Variants in TENM3 observed in about 807,000 individuals in gnomAD.
The protein encoded by TENM3 is teneurin transmembrane protein 3.
TENM3 carries 63 observed loss-of-function variants against 255.1 expected under a neutral mutation model. The observed-to-expected ratio is 0.25, with a 90% confidence interval of 0.20 to 0.30. The LOEUF is 0.30. TENM3 is among the 10% of genes least tolerant of loss of function. The probability of loss-of-function intolerance (pLI) is 1.00; values close to 1 mark genes in which losing one functional copy is unlikely to be tolerated. For missense variants in TENM3, 2,929 were observed against 3,461.1 expected, an observed-to-expected ratio of 0.85 and a Z score of 3.86; for synonymous variants, 1,306 against 1,322.3, an observed-to-expected ratio of 0.99 and a Z score of 0.27.
chr4:182,678,681 C>T (rs916981071), intron 7 of TENM3, among the ~76,000 whole-genome samples: 8 of 152,218 alleles, frequency 5.3e-5, no homozygotes, highest in African/African-American at 1.9e-4. Context: ...ATGTTAAAGC[C>T]TTCCTACGAG....
intron 6 of TENM3, among the ~76,000 whole-genome samples, chr4:182,658,908 A>G (rs1182395232): frequency 1.3e-5 from 2 of 152,178 alleles, no homozygotes; most frequent in Non-Finnish European, 2.9e-5. Context: ...GGCCTCTTAG[A>G]ACATAGCAGC....
At chr4:181,976,401 G>T in the TENM3 span, 1 of 152,228 alleles carries the variant, frequency 6.6e-6, no homozygotes, top group Non-Finnish European at 1.5e-5. Context: ...TTATGGGCAT[G>T]GGCCGCCATG....
chr4:181,948,189 C>T, the TENM3 span, among the ~76,000 whole-genome samples: 1 of 152,082 alleles, frequency 6.6e-6, no homozygotes, highest in Non-Finnish European at 1.5e-5. Flanking sequence ...TTACAAAACA[C>T]ACTTAACTCT....
intron 3 of TENM3, among the ~76,000 whole-genome samples, chr4:182,590,852 GA>G (rs35247987): frequency 7.8e-5 from 11 of 140,326 alleles, no homozygotes; most frequent in South Asian, 2.2e-4. Context: ...CGTCTCAAAA[GA>G]AAAAAAAAAA....
chr4:181,835,785 G>A, the TENM3 span, among the ~76,000 whole-genome samples: 1 of 152,154 alleles, frequency 6.6e-6, no homozygotes, highest in African/African-American at 2.4e-5. Flanking sequence ...TTAAAAAGAT[G>A]TGCATGTAAT....
At chr4:182,316,307 C>G (rs1357959349) in intron 1 of TENM3, among the ~76,000 whole-genome samples, 1 of 152,134 alleles carries the variant, frequency 6.6e-6, no homozygotes. Flanking sequence ...GCTAATTATT[C>G]CCCGCAACTG....
At chr4:181,816,309 C>A in the TENM3 span, among the ~76,000 whole-genome samples, 2 of 152,112 alleles carry the variant, frequency 1.3e-5, no homozygotes, top group African/African-American at 4.8e-5. Flanking sequence ...TTCCTCTACT[C>A]ATTTTCCATT....
chr4:182,771,500 G>C lies in TENM3; in HGVS notation c.4893-1972G>C, dbSNP rs370709416. Among the ~76,000 whole-genome samples, 216 of 120,066 alleles carry C rather than the reference G, an allele frequency of 1.8e-3. 3 individuals carry two copies. Among genetic ancestry groups the C allele is most frequent in the African/African-American group, 5.2e-3 (194 of 37,108 alleles). The allele number at this position is 120,066 out of a possible 152,430, so 78.8% of individuals were successfully genotyped here. A position where few individuals can be genotyped will look rare whatever the true frequency, so the allele number is the denominator to read the frequency against. On this transcript the variant is annotated intron_variant, in intron 22 of 27. Transcript: ENST00000511685. Reference sequence around the variant, plus strand: ...ATTTTCATTTTCCGTCTCTGAAATGGGGGGGGGGGAAATAGTACAATACAG... The same window carrying C: ...ATTTTCATTTTCCGTCTCTGAAATGCGGGGGGGGGAAATAGTACAATACAG...
chr4:181,517,098 G>A, the TENM3 span, among the ~76,000 whole-genome samples: 1 of 151,462 alleles, frequency 6.6e-6, no homozygotes, highest in African/African-American at 2.4e-5. Context: ...AACAGCCAAA[G>A]AGTGACAATT....
chr4:181,969,925 G>T, the TENM3 span, among the ~76,000 whole-genome samples: 4 of 152,172 alleles, frequency 2.6e-5, no homozygotes, highest in African/African-American at 9.7e-5. Context: ...ATTAAGCTGT[G>T]TTCTTCATTT....
intron 24 of TENM3, 99 bp downstream of exon 24, chr4:182,775,252 A>G (rs1764591799): frequency 3.9e-6 from 4 of 1,023,372 alleles, no homozygotes; most frequent in Non-Finnish European, 4.5e-6. Context: ...CCCTATGTCT[A>G]CACTGAGTAT....
At chr4:181,509,730 C>T in the TENM3 span, among the ~76,000 whole-genome samples, 2 of 152,110 alleles carry the variant, frequency 1.3e-5, no homozygotes, top group Non-Finnish European at 2.9e-5. Flanking sequence ...TACGGAGGTG[C>T]TAAGGGTGAG....
the TENM3 span, among the ~76,000 whole-genome samples, chr4:182,038,972 A>T: frequency 1.3e-5 from 2 of 152,040 alleles, no homozygotes; most frequent in African/African-American, 4.8e-5. Flanking sequence ...ACCTTAAGTG[A>T]TCCACCCGCC....
the TENM3 span, among the ~76,000 whole-genome samples, chr4:181,919,884 T>A: frequency 1.2e-4 from 6 of 50,770 alleles, no homozygotes; most frequent in Non-Finnish European, 1.8e-4. Context: ...CCCTCCCCCC[T>A]CCCCCCACCC....
the TENM3 span, among the ~76,000 whole-genome samples, chr4:181,773,306 G>T: frequency 1.5e-3 from 228 of 152,238 alleles, no homozygotes; most frequent in Non-Finnish European, 2.5e-3. Context: ...TTGAGATACG[G>T]TCAATAGCAG....
At chr4:181,518,295 G>T in the TENM3 span, among the ~76,000 whole-genome samples, 1 of 151,664 alleles carries the variant, frequency 6.6e-6, no homozygotes, top group Non-Finnish European at 1.5e-5. Flanking sequence ...CTGTCAGCAT[G>T]TGGGGTTTTT....
the TENM3 span, among the ~76,000 whole-genome samples, chr4:182,051,908 A>G: frequency 6.7e-4 from 102 of 152,228 alleles, 2 homozygotes; most frequent in African/African-American, 2.3e-3. Flanking sequence ...TTACCCTAAA[A>G]TGTTGTTCTA....
intron 12 of TENM3, among the ~76,000 whole-genome samples, chr4:182,690,213 C>T (rs1004341077): frequency 6.6e-6 from 1 of 152,206 alleles, no homozygotes; most frequent in Non-Finnish European, 1.5e-5. Context: ...GAGCTTCCCG[C>T]CTGAAATCAA....
rs771702557 is a variant in TENM3 at position 182,346,762 on chromosome 4, G to C, written c.344G>C (p.Gly115Ala). The C allele has an allele frequency of 2.5e-5, 41 of 1,613,408 alleles. No homozygotes were observed. Among genetic ancestry groups the C allele is most frequent in the Middle Eastern group, 1.6e-4 (1 of 6,084 alleles). Residue 115 changes from glycine (G) to alanine (A), a missense_variant, in exon 3 of 28, where the codon GGG becomes GCG. Gly to Ala is a moderately conservative substitution (Grantham distance 60, BLOSUM62 0). Around this residue, in one of 6 missense-constraint regions of TENM3, gnomAD observed 283 missense variants for 256.9 expected, o/e 1.10. Transcript: ENST00000511685. ...CACAGAGGTTACTCTATCAGTGCAG[G>C]GTCAGATGCTGATACTGAAAATGAA... ...LPHRGYSISAGSDADTENEAV... is the reference protein window; with the variant it reads ...LPHRGYSISAASDADTENEAV...
Sources: allele counts gnomAD v4.1 joint callset (sites outside exome capture counted in the v4.1 genomes callset), GRCh38; gene constraint gnomAD v4.1.1; regional missense constraint gnomAD v4.1.1; transcripts MANE v1.5; gene names NCBI Gene and HGNC (gene_info 2026-07-23, HGNC 2026-07-21).